Variants in L2HGDH observed in about 807,000 individuals in gnomAD.
The protein encoded by L2HGDH is L-2-hydroxyglutarate dehydrogenase, mitochondrial.
L2HGDH carries 34 observed loss-of-function variants against 51.5 expected under a neutral mutation model. That is an observed-to-expected ratio of 0.66 (90% CI 0.50 to 0.88). The LOEUF (loss-of-function observed/expected upper bound fraction) is 0.88. Among genes scored for constraint, L2HGDH ranks in the 40% least tolerant of loss-of-function variants. The pLI, the probability that L2HGDH is intolerant of heterozygous loss-of-function variation, is 0.00. For synonymous variants in L2HGDH, 198 were observed against 197.9 expected, an observed-to-expected ratio of 1.00 and a Z score of -0.01; for missense variants, 558 against 571.9, an observed-to-expected ratio of 0.98 and a Z score of 0.25.
intron 1 of L2HGDH, among the ~76,000 whole-genome samples, chr14:50,308,604 C>T (rs887537119): frequency 6.6e-6 from 1 of 152,070 alleles, no homozygotes; most frequent in African/African-American, 2.4e-5. Flanking sequence ...AAGTGATCAC[C>T]CCAAATGCTG....
At chr14:50,287,027 A>G (rs528701830) in intron 4 of L2HGDH, 1 of 222,718 alleles carries the variant, frequency 4.5e-6, no homozygotes, top group South Asian at 1.6e-4. Flanking sequence ...CAGAAAAAAT[A>G]CCAGTTCTGA....
intron 3 of L2HGDH, among the ~76,000 whole-genome samples, chr14:50,296,372 C>CAA (rs59868876): frequency 0.034 from 1,050 of 31,132 alleles, 220 homozygotes; most frequent in African/African-American, 0.096. Context: ...GACCCTGTCT[C>CAA]AAAAAAAAAA....
intron 5 of L2HGDH, among the ~76,000 whole-genome samples, chr14:50,279,969 G>C (rs779166517): frequency 2.6e-5 from 4 of 151,548 alleles, no homozygotes; most frequent in Non-Finnish European, 5.9e-5. Flanking sequence ...CTGAGGCAGG[G>C]GAATTGCTTG....
chr14:50,261,696 C>T (rs1313855893), intron 9 of L2HGDH, among the ~76,000 whole-genome samples: 1 of 151,960 alleles, frequency 6.6e-6, no homozygotes, highest in African/African-American at 2.4e-5. Context: ...ATTGCCCAGG[C>T]TGGTCTCAAA....
In L2HGDH at chr14:50,242,489, A is replaced by G. The variant is rs2048595358; in HGVS notation, c.*4569T>C. On this transcript the variant is annotated 3_prime_UTR_variant, in exon 10 of 10. Coordinates refer to ENST00000267436, the MANE Select transcript of L2HGDH (RefSeq NM_024884.3). ...TTCCCATAAGCAGAAAATACAAGCAATTAACAACATCAACAACAACAACAA... is the reference window on the plus strand; with the variant it reads ...TTCCCATAAGCAGAAAATACAAGCAGTTAACAACATCAACAACAACAACAA... 1 of 982,464 alleles carries G rather than the reference A, an allele frequency of 1.0e-6. No individual in the cohort carries two copies. The highest frequency in any genetic ancestry group is 1.2e-6 in the Non-Finnish European group (1 of 827,230). 60.9% of individuals were successfully genotyped at this position (982,464 alleles called of 1,614,324 possible).
chr14:50,293,111 T>TAA, intron 4 of L2HGDH: 1 of 629,326 alleles, frequency 1.6e-6, no homozygotes, highest in Non-Finnish European at 2.9e-6. Flanking sequence ...AGAACCCATT[T>TAA]AAAAAAAAAT....
At chr14:50,304,561 C>T (rs762989603) in intron 1 of L2HGDH, among the ~76,000 whole-genome samples, 16 of 152,180 alleles carry the variant, frequency 1.1e-4, no homozygotes, top group Admixed American at 5.9e-4. Flanking sequence ...TAGGGCCGGG[C>T]GTGGTGGCTC....
chr14:50,285,866 T>C (rs78761462), intron 4 of L2HGDH, among the ~76,000 whole-genome samples: 5,287 of 152,288 alleles, frequency 0.035, 298 homozygotes, highest in African/African-American at 0.12. Flanking sequence ...TTTCTTTCTC[T>C]TTCTAGTCTT....
chr14:50,310,936 C>CTTTTTTTTT (rs34399906), intron 1 of L2HGDH, among the ~76,000 whole-genome samples: 50 of 82,202 alleles, frequency 6.1e-4, no homozygotes, highest in Non-Finnish European at 7.5e-4. Flanking sequence ...CTTTTCTTTT[C>CTTTTTTTTT]TTTTTTTTTT....
At chr14:50,295,872 G>A (rs1317169639) in intron 3 of L2HGDH, among the ~76,000 whole-genome samples, 4 of 151,276 alleles carry the variant, frequency 2.6e-5, no homozygotes, top group African/African-American at 9.7e-5. Flanking sequence ...CCAAGTAGCT[G>A]AGATTACAGA....
chr14:50,259,971 G>T (rs1384620459), intron 9 of L2HGDH, among the ~76,000 whole-genome samples: 1 of 142,016 alleles, frequency 7.0e-6, no homozygotes, highest in East Asian at 2.2e-4. Flanking sequence ...GAGAAAGAAG[G>T]AGAGAGAAGA....
At chr14:50,250,389 G>A (rs572467880) in intron 9 of L2HGDH, among the ~76,000 whole-genome samples, 1 of 152,366 alleles carries the variant, frequency 6.6e-6, no homozygotes, top group East Asian at 1.9e-4. Flanking sequence ...GTAGCCACAG[G>A]GAGTGGCCCC....
intron 1 of L2HGDH, among the ~76,000 whole-genome samples, chr14:50,308,166 G>A (rs907898269): frequency 6.6e-5 from 10 of 152,182 alleles, no homozygotes; most frequent in East Asian, 1.9e-4. Flanking sequence ...CAAGGCGGGC[G>A]GATCACCTGA....
intron 6 of L2HGDH, among the ~76,000 whole-genome samples, chr14:50,275,188 T>C (rs1298440938): frequency 6.6e-6 from 1 of 152,192 alleles, no homozygotes; most frequent in Non-Finnish European, 1.5e-5. Context: ...AATAACTTGA[T>C]TGTGATAATC....
intron 4 of L2HGDH, among the ~76,000 whole-genome samples, chr14:50,284,698 C>T (rs778498058): frequency 5.3e-5 from 8 of 152,122 alleles, no homozygotes; most frequent in Admixed American, 6.5e-5. Context: ...TTAATAGCAC[C>T]ATTTTCTGTT....
Position 50,245,546 on chromosome 14 carries a change from T to C in L2HGDH, c.*1512A>G. ...GAAACTTATTCAAACTACTCAAAAA[T>C]GTAAATTTTATGTATTTTCTTGAAA... On this transcript the variant is annotated 3_prime_UTR_variant, in exon 10 of 10. Transcript: ENST00000267436. 1.0e-6 allele frequency: 1 copy of C among 968,842 alleles called. No homozygotes were observed. The highest frequency in any genetic ancestry group is 1.1e-4 in the East Asian group (1 of 8,724). The allele number at this position is 968,842 out of a possible 1,614,324, so 60.0% of individuals were successfully genotyped here.
At chr14:50,293,059 G>T in intron 4 of L2HGDH, 1 of 561,108 alleles carries the variant, frequency 1.8e-6, no homozygotes, top group Non-Finnish European at 3.2e-6. Context: ...GTCATGGGGA[G>T]CTGTGATCAC....
intron 4 of L2HGDH, among the ~76,000 whole-genome samples, chr14:50,289,059 A>G (rs1890722827): frequency 6.6e-6 from 1 of 152,326 alleles, no homozygotes; most frequent in East Asian, 1.9e-4. Flanking sequence ...TCATAGAAAA[A>G]TTGAGCAAAA....
At position 50,267,889 on chromosome 14, in the gene L2HGDH, A is replaced by C. The variant is rs1397712145; in HGVS notation, c.928T>G (p.Phe310Val). The C allele has an allele frequency of 1.2e-6, 2 of 1,614,088 alleles. No homozygotes were observed. Among genetic ancestry groups the C allele is most frequent in the Non-Finnish European group, 8.5e-7 (1 of 1,179,920 alleles). ...CTTGGTGTGAAGTGAACTCCTAGGAAAGGAAACCGGCTATCTGGGACCTAT... is the reference window on the plus strand; with the variant it reads ...CTTGGTGTGAAGTGAACTCCTAGGACAGGAAACCGGCTATCTGGGACCTAT... ...IYPVPDSRFPFLGVHFTPRMD... is the reference protein window; with the variant it reads ...IYPVPDSRFPVLGVHFTPRMD... The change falls in exon 8 of 10, where the codon TTC becomes GTC. Residue 310 changes from phenylalanine to valine, a missense_variant. By Grantham distance (50) the Phe-to-Val change is conservative. Transcript: ENST00000267436.
Sources: gnomAD v4.1 joint callset for allele counts (sites outside exome capture counted in the v4.1 genomes callset) on GRCh38, gnomAD v4.1.1 for gene constraint, MANE v1.5 for transcripts, NCBI Gene and HGNC (gene_info 2026-07-23, HGNC 2026-07-21) for gene names.